The following SLC44A5 variants were observed in gnomAD, a reference collection of about 807,000 sequenced individuals.
SLC44A5 encodes solute carrier family 44 member 5.
A neutral mutation model predicts 101.8 loss-of-function variants in SLC44A5; 57 were observed. That is an observed-to-expected ratio of 0.56 (90% CI 0.45 to 0.70). The LOEUF (loss-of-function observed/expected upper bound fraction) is 0.70. Among genes scored for constraint, SLC44A5 ranks in the 30% least tolerant of loss-of-function variants. The pLI is 0.00. For missense variants in SLC44A5, 737 were observed against 853.1 expected, an observed-to-expected ratio of 0.86 and a Z score of 1.70; for synonymous variants, 281 against 290.9, an observed-to-expected ratio of 0.97 and a Z score of 0.35.
the SLC44A5 span, among the ~76,000 whole-genome samples, chr1:75,644,104 T>G: frequency 6.6e-6 from 1 of 152,310 alleles, no homozygotes; most frequent in Middle Eastern, 3.4e-3. Flanking sequence ...AATAATGATA[T>G]ATTCATTACA....
intron 23 of SLC44A5, among the ~76,000 whole-genome samples, chr1:75,209,961 T>C (rs1646821013): frequency 6.6e-6 from 1 of 152,160 alleles, no homozygotes; most frequent in African/African-American, 2.4e-5. Context: ...GCCAAAGAAA[T>C]GGCATGGAAG....
chr1:75,515,706 T>C (rs1382772357), intron 2 of SLC44A5, among the ~76,000 whole-genome samples: 2 of 152,246 alleles, frequency 1.3e-5, no homozygotes, highest in African/African-American at 4.8e-5. Flanking sequence ...TTGTCAGTAA[T>C]TCTGCAATGA....
intron 2 of SLC44A5, among the ~76,000 whole-genome samples, chr1:75,495,104 G>A (rs943437125): frequency 4.6e-5 from 7 of 152,134 alleles, no homozygotes; most frequent in African/African-American, 1.7e-4. Flanking sequence ...ACAAACAGAA[G>A]AACAAGATAC....
At chr1:75,400,811 G>A (rs983378134) in intron 2 of SLC44A5, among the ~76,000 whole-genome samples, 3 of 152,188 alleles carry the variant, frequency 2.0e-5, no homozygotes, top group Non-Finnish European at 2.9e-5. Context: ...ATGTCTGTGA[G>A]TAGAGAGAAG....
intron 2 of SLC44A5, among the ~76,000 whole-genome samples, chr1:75,482,326 C>T (rs1037921174): frequency 1.1e-4 from 17 of 151,662 alleles, no homozygotes; most frequent in South Asian, 4.2e-4. Context: ...TGCTAAATGA[C>T]GAGTTAATGG....
intron 2 of SLC44A5, among the ~76,000 whole-genome samples, chr1:75,436,024 G>A (rs1664870657): frequency 6.6e-6 from 1 of 152,006 alleles, no homozygotes; most frequent in Non-Finnish European, 1.5e-5. Flanking sequence ...CATAAATGAA[G>A]ACACACTAGT....
In SLC44A5 at chr1:75,203,101, T is replaced by A. The variant is rs1427935041; in HGVS notation, c.*626A>T. ...CGAAACATTGCAGGTTTTAATTTTTTAAAAAACAATGTTTGTAAACTTGCC... is the reference window on the plus strand; with the variant it reads ...CGAAACATTGCAGGTTTTAATTTTTAAAAAAACAATGTTTGTAAACTTGCC... On this transcript the variant is annotated 3_prime_UTR_variant, in exon 24 of 24. Coordinates refer to ENST00000370859, the MANE Select transcript of SLC44A5 (RefSeq NM_001130058.2). 1 of 152,202 alleles carries A rather than the reference T, an allele frequency of 6.6e-6. No individual in the cohort carries two copies. The highest frequency in any genetic ancestry group is 6.5e-5 in the Admixed American group (1 of 15,276). 9.4% of individuals were successfully genotyped at this position (152,202 alleles called of 1,614,324 possible). A position where few individuals can be genotyped will look rare whatever the true frequency, so the allele number is the denominator to read the frequency against.
At chr1:75,533,586 C>G (rs974779978) in intron 2 of SLC44A5, among the ~76,000 whole-genome samples, 10 of 152,186 alleles carry the variant, frequency 6.6e-5, no homozygotes, top group African/African-American at 2.4e-4. Context: ...AGGAAGGCCA[C>G]TGCACCCTTG....
At chr1:75,407,498 G>A (rs142958591) in intron 2 of SLC44A5, among the ~76,000 whole-genome samples, 11 of 152,234 alleles carry the variant, frequency 7.2e-5, no homozygotes, top group African/African-American at 2.6e-4. Flanking sequence ...GCATGGTACT[G>A]GTACCAGAAC....
intron 4 of SLC44A5, among the ~76,000 whole-genome samples, chr1:75,303,551 A>G (rs1029620916): frequency 1.4e-4 from 22 of 152,120 alleles, no homozygotes; most frequent in Admixed American, 5.2e-4. Flanking sequence ...TTTAAAAAGT[A>G]AAACCAACAC....
intron 4 of SLC44A5, among the ~76,000 whole-genome samples, chr1:75,319,772 T>C (rs1655999970): frequency 6.6e-6 from 1 of 152,174 alleles, no homozygotes; most frequent in Non-Finnish European, 1.5e-5. Flanking sequence ...TCATATATCA[T>C]GAGTAGCTCA....
At chr1:75,671,462 C>A in the SLC44A5 span, among the ~76,000 whole-genome samples, 1 of 151,908 alleles carries the variant, frequency 6.6e-6, no homozygotes, top group African/African-American at 2.4e-5. Flanking sequence ...CTGAGAGAAA[C>A]CAGTAAGTAA....
At chr1:75,374,685 G>A (rs376019892) in intron 3 of SLC44A5, among the ~76,000 whole-genome samples, 13 of 152,120 alleles carry the variant, frequency 8.5e-5, no homozygotes, top group Admixed American at 1.3e-4. Context: ...GAATCACACC[G>A]GGAAGCAAAA....
intron 2 of SLC44A5, among the ~76,000 whole-genome samples, chr1:75,490,055 AT>A (rs1456207222): frequency 6.6e-6 from 1 of 151,960 alleles, no homozygotes; most frequent in Non-Finnish European, 1.5e-5. Context: ...TTAAAAAAAA[AT>A]AAAGTTAATA....
intron 6 of SLC44A5, among the ~76,000 whole-genome samples, chr1:75,271,497 T>TTTTTTTTTTGTGTGTG (rs1553152601): frequency 2.6e-4 from 38 of 146,400 alleles, no homozygotes; most frequent in Admixed American, 1.2e-3. Flanking sequence ...TCTGCATGTT[T>TTTTTTTTTTGTGTGTG]TGTGTGTGTG....
intron 1 of SLC44A5, among the ~76,000 whole-genome samples, chr1:75,609,269 T>C (rs1675511364): frequency 6.6e-6 from 1 of 151,768 alleles, no homozygotes; most frequent in African/African-American, 2.4e-5. Context: ...GCTGGAAAGG[T>C]TTTTATTTGA....
chr1:75,204,318 A>G (rs932231336), intron 23 of SLC44A5, among the ~76,000 whole-genome samples: 2 of 152,202 alleles, frequency 1.3e-5, no homozygotes, highest in Non-Finnish European at 2.9e-5. Context: ...GCTTTGTAAG[A>G]AAATGGCTTC....
chr1:75,315,529 C>T (rs1415305729), intron 4 of SLC44A5, among the ~76,000 whole-genome samples: 1 of 152,118 alleles, frequency 6.6e-6, no homozygotes, highest in African/African-American at 2.4e-5. Flanking sequence ...CTCACATGCA[C>T]TGTCTTTCAT....
chr1:75,483,597 T>C (rs1018630077), intron 2 of SLC44A5, among the ~76,000 whole-genome samples: 4 of 152,024 alleles, frequency 2.6e-5, no homozygotes, highest in Non-Finnish European at 5.9e-5. Flanking sequence ...AAGAAATTAT[T>C]CTTTATTTAA....
Sources: allele counts gnomAD v4.1 joint callset (sites outside exome capture counted in the v4.1 genomes callset), GRCh38; gene constraint gnomAD v4.1.1; transcripts MANE v1.5; gene names NCBI Gene and HGNC (gene_info 2026-07-23, HGNC 2026-07-21).